P4HA2: variants seen among roughly 807,000 people sequenced by gnomAD.
P4HA2 encodes the protein prolyl 4-hydroxylase subunit alpha-2.
In P4HA2, 46 loss-of-function variants were observed where a neutral mutation model predicts 76.9. The ratio of observed to expected loss-of-function variants is 0.60; its 90% CI spans 0.47 to 0.76. The LOEUF (loss-of-function observed/expected upper bound fraction) is 0.76. P4HA2 is among the 30% of genes least tolerant of loss of function. P4HA2 has a pLI of 0.00. For missense variants in P4HA2, 583 were observed against 669.4 expected, an observed-to-expected ratio of 0.87 and a Z score of 1.42; for synonymous variants, 243 against 254.0, an observed-to-expected ratio of 0.96 and a Z score of 0.41.
intron 5 of P4HA2, 36 bp downstream of exon 5, chr5:132,213,880 C>T (rs1004742994): frequency 1.4e-5 from 22 of 1,607,730 alleles, no homozygotes; most frequent in Non-Finnish European, 1.8e-5. Flanking sequence ...TAAAGAGACA[C>T]ATGCGGGACA....
At position 132,210,369 on chromosome 5, in the gene P4HA2, C is replaced by T. The variant is rs1302221257; in HGVS notation, c.624G>A (p.Gln208=). 1.2e-6 allele frequency: 2 copies of T among 1,613,988 alleles called. No individual in the cohort carries two copies. Among genetic ancestry groups the T allele is most frequent in the Non-Finnish European group, 1.7e-6 (2 of 1,180,008 alleles). Residue 208 remains glutamine, a synonymous_variant, in exon 6 of 15, where the codon CAG becomes CAA. Transcript: ENST00000360568. ...CAGCATAGCTGAGGTAGTCCAGCAC[C>T]TGTGACTTGGTTGTGGTGGCCTCCT... ...AGEEATTTKS[Q]VLDYLSYAVF...
chr5:132,198,257 A>G, intron 12 of P4HA2, 64 bp downstream of exon 12: 2 of 1,614,228 alleles, frequency 1.2e-6, no homozygotes, highest in Non-Finnish European at 1.7e-6. Context: ...GCTTGAAAGT[A>G]TCTCGCTCAT....
chr5:132,198,049 C>T lies in P4HA2; in HGVS notation c.1365+272G>A, dbSNP rs1224449510. 9 of 985,200 alleles carry T rather than the reference C, an allele frequency of 9.1e-6. No homozygotes were observed. The East Asian group carries it at 7.9e-4, about 87-fold the overall frequency. The allele number at this position is 985,200 out of a possible 1,614,324, so 61.0% of individuals were successfully genotyped here. A position where few individuals can be genotyped will look rare whatever the true frequency, so the allele number is the denominator to read the frequency against. On this transcript the variant is annotated intron_variant, in intron 12 of 14. Coordinates refer to ENST00000360568, the MANE Select transcript of P4HA2 (RefSeq NM_001017974.2). ...TGGGGAAAATGAATAGAAACAGAGG[C>T]CAACTCTCCCTACTGCAGCCAAGAA...
Position 132,217,734 on chromosome 5 carries a change from G to GC in P4HA2, c.179+17_179+18insG. ...AGGGAAGGAAGGCCAACTAAGGATG[G>GC]TTGGGGACTTAGGACACCTCTTAAT... On this transcript the variant is annotated intron_variant, in intron 3 of 14. Coordinates refer to ENST00000360568, the MANE Select transcript of P4HA2 (RefSeq NM_001017974.2). 3 of 1,422,382 alleles carry GC rather than the reference G, an allele frequency of 2.1e-6. No homozygotes were observed. The highest frequency in any genetic ancestry group is 3.0e-6 in the Non-Finnish European group (3 of 1,012,524). 88.1% of individuals were successfully genotyped at this position (1,422,382 alleles called of 1,614,324 possible).
chr5:132,209,095 C>T, intron 7 of P4HA2, 43 bp downstream of exon 7: 1 of 1,467,198 alleles, frequency 6.8e-7, no homozygotes, highest in Non-Finnish European at 9.4e-7. Flanking sequence ...AGCCAGAGTC[C>T]AGGTCCACAG....
rs138963563 is a variant in P4HA2, at chr5:132,199,008, A to C, written c.1252-76T>G. 92 of 1,011,648 alleles carry C rather than the reference A, an allele frequency of 9.1e-5. No individual in the cohort carries two copies. In the East Asian group the frequency reaches 2.2e-3, roughly 24 times the overall value. The allele number at this position is 1,011,648 out of a possible 1,614,324, so 62.7% of individuals were successfully genotyped here. ...AGCAGCCAATCACTCTAGGGATACCATCTTCCCAGGCCTGAAAACAACCAG... is the reference window on the plus strand; with the variant it reads ...AGCAGCCAATCACTCTAGGGATACCCTCTTCCCAGGCCTGAAAACAACCAG... On this transcript the variant is annotated intron_variant, in intron 10 of 14. Coordinates refer to ENST00000360568, the MANE Select transcript of P4HA2 (RefSeq NM_001017974.2).
intron 7 of P4HA2, 152 bp downstream of exon 7, chr5:132,208,986 C>T (rs1752639578): frequency 3.1e-6 from 2 of 638,214 alleles, no homozygotes; most frequent in Non-Finnish European, 5.5e-6. Context: ...CAGAGAATAT[C>T]CACATGTCAG....
chr5:132,221,383 C>A (rs1754634390), intron 1 of P4HA2, among the ~76,000 whole-genome samples: 1 of 152,176 alleles, frequency 6.6e-6, no homozygotes, highest in Non-Finnish European at 1.5e-5. Flanking sequence ...TGTCCCATAC[C>A]AGGAACACAA....
At chr5:132,205,883 G>A (rs1363461934) in intron 8 of P4HA2, among the ~76,000 whole-genome samples, 1 of 152,184 alleles carries the variant, frequency 6.6e-6, no homozygotes, top group Non-Finnish European at 1.5e-5. Context: ...GCTGTGCTCT[G>A]CCCCAGGGGA....
intron 12 of P4HA2, 140 bp from the exon 13 acceptor site, chr5:132,195,620 C>A: frequency 1.5e-6 from 1 of 683,182 alleles, no homozygotes; most frequent in Non-Finnish European, 2.6e-6. Context: ...CATGGCCAGC[C>A]CTTTAGCCAA....
At chr5:132,215,393 G>C (rs1753686443) in intron 4 of P4HA2, among the ~76,000 whole-genome samples, 1 of 152,254 alleles carries the variant, frequency 6.6e-6, no homozygotes, top group Admixed American at 6.5e-5. Context: ...CAAGATTGGA[G>C]AGAGGAGGTC....
chr5:132,195,974 G>A (rs748773213), intron 12 of P4HA2, among the ~76,000 whole-genome samples: 15 of 152,156 alleles, frequency 9.9e-5, no homozygotes, highest in Non-Finnish European at 1.3e-4. Flanking sequence ...CACCCTTCCT[G>A]GGGCCAACTG....
chr5:132,193,789 ATGATTCTG>A (rs1398556467), intron 14 of P4HA2, among the ~76,000 whole-genome samples: 1 of 152,198 alleles, frequency 6.6e-6, no homozygotes, highest in Admixed American at 6.5e-5. Context: ...CACAGGAACC[ATGATTCTG>A]TTCCTCACAG....
At chr5:132,216,874 G>A (rs1753964582) in intron 4 of P4HA2, among the ~76,000 whole-genome samples, 1 of 152,194 alleles carries the variant, frequency 6.6e-6, no homozygotes, top group South Asian at 2.1e-4. Flanking sequence ...TAATTCTCTT[G>A]TTTTTGTGTT....
chr5:132,196,371 T>C (rs1489361668), intron 12 of P4HA2, among the ~76,000 whole-genome samples: 1 of 152,210 alleles, frequency 6.6e-6, no homozygotes, highest in East Asian at 1.9e-4. Context: ...AGCCTTTTTC[T>C]ACCTTTCCAA....
chr5:132,203,764 G>T lies in P4HA2; in HGVS notation c.1235C>A (p.Thr412Asn). ...MQHITGLTVK[T>N]AELLQVANYG... The stretch of plus-strand genomic sequence containing the variant: ...TATCTGTACCTGTAACAATTCTGCA[G>T]TCTTTACTGTTAACCCTGTGATATG... The change falls in exon 10 of 15, where the codon ACT (threonine) becomes AAT (asparagine). Residue 412 changes from threonine (T) to asparagine (N), a missense_variant. By Grantham distance (65) the Thr-to-Asn change is moderately conservative. Transcript: ENST00000360568. 6.2e-7 allele frequency: 1 copy of T among 1,605,824 alleles called. No homozygotes were observed. Among genetic ancestry groups the T allele is most frequent in the East Asian group, 2.2e-5 (1 of 44,846 alleles).
rs546400664 is a variant in P4HA2 at position 132,197,485 on chromosome 5, A to AT, written c.1365+835dup. 5.3e-5 allele frequency among the ~76,000 whole-genome samples: 8 copies of AT among 152,080 alleles called. No homozygotes were observed. In the East Asian group the frequency reaches 1.4e-3, roughly 26 times the overall value. On this transcript the variant is annotated intron_variant, in intron 12 of 14. Transcript: ENST00000360568. ...TAGCCAGGCGTTGTGGCTAGCGCCT[A>AT]TAATCCCAGCTGCTTGGAAGGCTGA...
At chr5:132,215,153 C>T (rs1482809052) in intron 4 of P4HA2, among the ~76,000 whole-genome samples, 2 of 152,190 alleles carry the variant, frequency 1.3e-5, no homozygotes, top group African/African-American at 4.8e-5. Flanking sequence ...GTCTTCATAG[C>T]TACATGGTCA....
intron 11 of P4HA2, 28 bp from the exon 12 acceptor site, chr5:132,198,408 G>A: frequency 6.2e-7 from 1 of 1,608,672 alleles, no homozygotes; most frequent in South Asian, 1.1e-5. Flanking sequence ...TTTCACCCAA[G>A]TTTACAACAG....
Sources: allele counts gnomAD v4.1 joint callset (sites outside exome capture counted in the v4.1 genomes callset), GRCh38; gene constraint gnomAD v4.1.1; transcripts MANE v1.5; gene names NCBI Gene and HGNC (gene_info 2026-07-23, HGNC 2026-07-21).